Variants in GALNT17 observed in about 807,000 individuals in gnomAD.
GALNT17 encodes polypeptide N-acetylgalactosaminyltransferase 17.
A neutral mutation model predicts 63.7 loss-of-function variants in GALNT17; 29 were observed. The observed-to-expected ratio is 0.46, with a 90% CI of 0.34 to 0.62. The LOEUF (loss-of-function observed/expected upper bound fraction) is 0.62, where lower values mean the gene tolerates loss of function less well. Among genes scored for constraint, GALNT17 ranks in the 20% least tolerant of loss-of-function variants. The probability of loss-of-function intolerance (pLI) is 0.01; values close to 1 mark genes in which losing one functional copy is unlikely to be tolerated. For synonymous variants in GALNT17, 305 were observed against 318.3 expected, an observed-to-expected ratio of 0.96 and a Z score of 0.45; for missense variants, 603 against 799.6, an observed-to-expected ratio of 0.75 and a Z score of 2.97.
At chr7:71,571,529 T>A (rs1032582586) in intron 6 of GALNT17, 127 bp downstream of exon 6, 8 of 771,968 alleles carry the variant, frequency 1.0e-5, no homozygotes, top group South Asian at 9.5e-5. Flanking sequence ...CTCCACCTTG[T>A]TCCTGGGGGA....
intron 5 of GALNT17, among the ~76,000 whole-genome samples, chr7:71,446,187 A>G (rs754838718): frequency 2.1e-4 from 32 of 152,230 alleles, no homozygotes; most frequent in Non-Finnish European, 4.1e-4. Context: ...CTTCCAGCCC[A>G]GTAGAGAAGA....
intron 1 of GALNT17, among the ~76,000 whole-genome samples, chr7:71,309,892 A>T (rs992625040): frequency 6.6e-5 from 10 of 152,184 alleles, no homozygotes; most frequent in Admixed American, 2.0e-4. Flanking sequence ...CCCCACCCAG[A>T]TCTCATCTTG....
intron 6 of GALNT17, among the ~76,000 whole-genome samples, chr7:71,631,291 C>T (rs778874263): frequency 2.0e-5 from 3 of 151,618 alleles, no homozygotes; most frequent in Non-Finnish European, 4.4e-5. Flanking sequence ...CTCCTGGGCT[C>T]AAGCGATCCT....
At chr7:71,175,402 T>C (rs1223418504) in intron 1 of GALNT17, among the ~76,000 whole-genome samples, 1 of 152,262 alleles carries the variant, frequency 6.6e-6, no homozygotes, top group Non-Finnish European at 1.5e-5. Flanking sequence ...ATCTGTTATC[T>C]ATTCTCTATC....
intron 5 of GALNT17, among the ~76,000 whole-genome samples, chr7:71,524,813 G>C (rs951373200): frequency 2.0e-5 from 3 of 152,104 alleles, no homozygotes; most frequent in Admixed American, 1.3e-4. Context: ...ATTTGAGTGT[G>C]TTGCTTGTGA....
intron 2 of GALNT17, among the ~76,000 whole-genome samples, chr7:71,359,604 T>C (rs533364306): frequency 6.6e-5 from 10 of 151,976 alleles, no homozygotes; most frequent in African/African-American, 2.2e-4. Flanking sequence ...TTTTTTTTTT[T>C]TAGACAGATC....
intron 5 of GALNT17, among the ~76,000 whole-genome samples, chr7:71,527,414 G>T (rs1417883427): frequency 1.3e-5 from 2 of 152,132 alleles, no homozygotes; most frequent in Non-Finnish European, 2.9e-5. Context: ...TGTCATTAAG[G>T]TTTCTGGTAT....
At chr7:71,403,874 CAAGG>C (rs1180323368) in intron 3 of GALNT17, among the ~76,000 whole-genome samples, 1 of 152,116 alleles carries the variant, frequency 6.6e-6, no homozygotes, top group African/African-American at 2.4e-5. Context: ...TTGGCTATTT[CAAGG>C]AAGAGATTCG....
intron 5 of GALNT17, among the ~76,000 whole-genome samples, chr7:71,568,533 A>G (rs1252573016): frequency 6.6e-6 from 1 of 152,142 alleles, no homozygotes; most frequent in Non-Finnish European, 1.5e-5. Context: ...CTTTATCTCC[A>G]TGTGTACCCA....
chr7:71,253,069 CT>C (rs1191382164), intron 1 of GALNT17, among the ~76,000 whole-genome samples: 1 of 152,216 alleles, frequency 6.6e-6, no homozygotes, highest in African/African-American at 2.4e-5. Context: ...CTTCTGCCCT[CT>C]GCTTTCCCAT....
chr7:71,538,998 G>A (rs929047798), intron 5 of GALNT17, among the ~76,000 whole-genome samples: 3 of 151,992 alleles, frequency 2.0e-5, no homozygotes, highest in African/African-American at 7.2e-5. Context: ...GTGCAGTGGC[G>A]CCATTTCAAC....
At chr7:71,164,656 A>G (rs1231015175) in intron 1 of GALNT17, among the ~76,000 whole-genome samples, 1 of 152,164 alleles carries the variant, frequency 6.6e-6, no homozygotes, top group African/African-American at 2.4e-5. Flanking sequence ...GGAAGCGACC[A>G]CAGAACCAAC....
At chr7:71,411,410 G>A (rs920968515) in intron 3 of GALNT17, among the ~76,000 whole-genome samples, 2 of 152,106 alleles carry the variant, frequency 1.3e-5, no homozygotes, top group Non-Finnish European at 2.9e-5. Flanking sequence ...ATGAGCCACC[G>A]TGCCTGGCCA....
In GALNT17 at chr7:71,661,461, G is replaced by C. The variant is rs74636029; in HGVS notation, c.1081-3950G>C. Among the ~76,000 whole-genome samples the C allele has an allele frequency of 1.8e-3, 277 of 152,314 alleles. 1 individual carries two copies. The highest frequency in any genetic ancestry group is 6.4e-3 in the African/African-American group (267 of 41,574). ...GAGGGGCCTGTGAAAGTGGAGAGTA[G>C]AGGAGAGATGAGCAAGAGGAGCCCT... On this transcript the variant is annotated intron_variant, in intron 6 of 10. Transcript: ENST00000333538.
intron 6 of GALNT17, among the ~76,000 whole-genome samples, chr7:71,595,163 T>G (rs1789866969): frequency 6.6e-6 from 1 of 152,150 alleles, no homozygotes; most frequent in South Asian, 2.1e-4. Context: ...GGCCCATGCC[T>G]GTGATGCTAG....
At chr7:71,245,807 T>C (rs1044059665) in intron 1 of GALNT17, among the ~76,000 whole-genome samples, 1 of 150,838 alleles carries the variant, frequency 6.6e-6, no homozygotes, top group Non-Finnish European at 1.5e-5. Context: ...AGGGGAAGAC[T>C]GGTGTGAATT....
At chr7:71,609,391 A>G (rs1790092657) in intron 6 of GALNT17, among the ~76,000 whole-genome samples, 1 of 152,202 alleles carries the variant, frequency 6.6e-6, no homozygotes, top group South Asian at 2.1e-4. Context: ...GCCACTGTGG[A>G]GGTGAAGAAA....
At chr7:71,289,740 G>A (rs180899873) in intron 1 of GALNT17, among the ~76,000 whole-genome samples, 4 of 152,070 alleles carry the variant, frequency 2.6e-5, no homozygotes, top group South Asian at 2.1e-4. Flanking sequence ...TTAGCCAGGC[G>A]TGGTAGCGCA....
chr7:71,357,013 C>T lies in GALNT17; in HGVS notation c.422+21280C>T, dbSNP rs139639371. On this transcript the variant is annotated intron_variant, in intron 2 of 10. Transcript: ENST00000333538. ...GTCAGGCTGGTCTCAAACTCCTGAC[C>T]GACCTCAGGTGATCCACCCTCCTCG... 2.8e-3 allele frequency among the ~76,000 whole-genome samples: 425 copies of T among 152,034 alleles called. 1 individual carries two copies. The highest frequency in any genetic ancestry group is 4.1e-3 in the Non-Finnish European group (281 of 67,964).
Sources: gnomAD v4.1 joint callset for allele counts (sites outside exome capture counted in the v4.1 genomes callset) on GRCh38, gnomAD v4.1.1 for gene constraint, MANE v1.5 for transcripts, NCBI Gene and HGNC (gene_info 2026-07-23, HGNC 2026-07-21) for gene names.